ZBTB16: variants seen among roughly 807,000 people sequenced by gnomAD.
ZBTB16 encodes the protein zinc finger and BTB domain-containing protein 16.
In ZBTB16, 8 loss-of-function variants were observed where a neutral mutation model predicts 56.8. That is an observed-to-expected ratio of 0.14 (90% CI 0.08 to 0.25). ZBTB16 has a LOEUF of 0.25. Ranked by LOEUF, ZBTB16 falls within the 10% of genes least tolerant of loss-of-function variation. The pLI, the probability that ZBTB16 is intolerant of heterozygous loss-of-function variation, is 1.00. For synonymous variants in ZBTB16, 363 were observed against 368.5 expected, an observed-to-expected ratio of 0.98 and a Z score of 0.17; for missense variants, 625 against 903.0, an observed-to-expected ratio of 0.69 and a Z score of 3.95.
chr11:114,179,072 G>C (rs1943184892), intron 3 of ZBTB16, among the ~76,000 whole-genome samples: 1 of 152,140 alleles, frequency 6.6e-6, no homozygotes, highest in Admixed American at 6.6e-5. Flanking sequence ...CGAACTCTGA[G>C]GATCTTTCCC....
At chr11:114,087,132 A>C (rs1274603247) in intron 2 of ZBTB16, among the ~76,000 whole-genome samples, 2 of 152,146 alleles carry the variant, frequency 1.3e-5, no homozygotes, top group Non-Finnish European at 2.9e-5. Flanking sequence ...CATCATCTGC[A>C]AAATGCTGGT....
intron 2 of ZBTB16, among the ~76,000 whole-genome samples, chr11:114,154,815 T>C (rs904395532): frequency 3.3e-5 from 5 of 152,160 alleles, no homozygotes; most frequent in African/African-American, 1.2e-4. Context: ...AACAAAACAA[T>C]GTGATTGAGA....
chr11:114,095,255 T>TTTTTC (rs1940348974), intron 2 of ZBTB16, among the ~76,000 whole-genome samples: 1 of 83,668 alleles, frequency 1.2e-5, no homozygotes, highest in Non-Finnish European at 2.2e-5. Context: ...CTTTTTTTTT[T>TTTTTC]TTTTTTTTTT....
At chr11:114,186,908 A>G (rs567057) in intron 3 of ZBTB16, 44 bp from the exon 4 acceptor site, 92,426 of 1,594,040 alleles carry the variant, frequency 0.058, 2,964 homozygotes, top group Middle Eastern at 0.079. Context: ...CCCGCTCACC[A>G]GTGGACTATT....
chr11:114,168,337 C>T (rs1003373511), intron 3 of ZBTB16, among the ~76,000 whole-genome samples: 1 of 152,174 alleles, frequency 6.6e-6, no homozygotes, highest in African/African-American at 2.4e-5. Flanking sequence ...GTAGTGTGCT[C>T]TGTTGCATCC....
chr11:114,128,463 G>A (rs192571594), intron 2 of ZBTB16, among the ~76,000 whole-genome samples: 1 of 152,350 alleles, frequency 6.6e-6, no homozygotes, highest in African/African-American at 2.4e-5. Flanking sequence ...ACTTCTAGCT[G>A]TAGGATCTTA....
intron 4 of ZBTB16, among the ~76,000 whole-genome samples, chr11:114,205,997 T>C (rs1943862434): frequency 6.6e-6 from 1 of 152,182 alleles, no homozygotes; most frequent in African/African-American, 2.4e-5. Context: ...ACTGACCTCA[T>C]CTGGCTCCCT....
intron 4 of ZBTB16, among the ~76,000 whole-genome samples, chr11:114,196,743 A>G (rs953645631): frequency 6.6e-6 from 1 of 152,336 alleles, no homozygotes; most frequent in South Asian, 2.1e-4. Context: ...GAAGGAAATG[A>G]GCATGTAGGT....
At chr11:114,238,746 C>G (rs1944646200) in intron 4 of ZBTB16, among the ~76,000 whole-genome samples, 1 of 152,152 alleles carries the variant, frequency 6.6e-6, no homozygotes, top group Non-Finnish European at 1.5e-5. Flanking sequence ...TGACTCCCAT[C>G]ACCCTCCCAG....
chr11:114,192,223 G>A (rs367965561), intron 4 of ZBTB16, among the ~76,000 whole-genome samples: 6 of 152,316 alleles, frequency 3.9e-5, no homozygotes, highest in South Asian at 2.1e-4. Context: ...ACCTGGACTT[G>A]CTGTGTGACA....
At chr11:114,144,549 T>G (rs1942048139) in intron 2 of ZBTB16, among the ~76,000 whole-genome samples, 1 of 152,142 alleles carries the variant, frequency 6.6e-6, no homozygotes, top group Non-Finnish European at 1.5e-5. Flanking sequence ...AAAAGAAGTT[T>G]GGGGAGCCCT....
chr11:114,180,073 T>C (rs1210889068), intron 3 of ZBTB16, among the ~76,000 whole-genome samples: 1 of 152,198 alleles, frequency 6.6e-6, no homozygotes, highest in Non-Finnish European at 1.5e-5. Context: ...CACGGAGGCC[T>C]CAGTCCCGCC....
intron 2 of ZBTB16, among the ~76,000 whole-genome samples, chr11:114,091,957 C>A (rs1392382325): frequency 5.3e-5 from 8 of 152,220 alleles, no homozygotes; most frequent in African/African-American, 1.9e-4. Context: ...CTCACTGACA[C>A]CCTTAGACCA....
At chr11:114,062,914 T>C (rs924262452) in intron 1 of ZBTB16, among the ~76,000 whole-genome samples, 17 of 152,240 alleles carry the variant, frequency 1.1e-4, no homozygotes, top group African/African-American at 3.1e-4. Context: ...TGAGGACTTA[T>C]AGGACTTCAC....
At chr11:114,211,367 TG>T (rs1943995582) in intron 4 of ZBTB16, among the ~76,000 whole-genome samples, 1 of 152,216 alleles carries the variant, frequency 6.6e-6, no homozygotes, top group Admixed American at 6.5e-5. Flanking sequence ...ACTGTGGCCT[TG>T]GACAAATTAT....
At chr11:114,140,995 T>TGC (rs1234720822) in intron 2 of ZBTB16, among the ~76,000 whole-genome samples, 3 of 152,190 alleles carry the variant, frequency 2.0e-5, no homozygotes, top group African/African-American at 7.2e-5. Context: ...GCTCGATGAC[T>TGC]GCAGCACTGG....
At chr11:114,235,625 CCTTCCTTT>C (rs759812057) in intron 4 of ZBTB16, among the ~76,000 whole-genome samples, 11 of 68,412 alleles carry the variant, frequency 1.6e-4, no homozygotes, top group African/African-American at 5.7e-4. Flanking sequence ...TTTCCCTCTC[CCTTCCTTT>C]CTTTCTTTCT....
At chr11:114,239,197 T>C (rs1944653106) in intron 4 of ZBTB16, among the ~76,000 whole-genome samples, 1 of 152,146 alleles carries the variant, frequency 6.6e-6, no homozygotes, top group African/African-American at 2.4e-5. Flanking sequence ...AGAGCACCTG[T>C]GGGTCTGGCT....
intron 4 of ZBTB16, among the ~76,000 whole-genome samples, chr11:114,217,726 C>T (rs760737081): frequency 6.6e-6 from 1 of 152,026 alleles, no homozygotes; most frequent in Non-Finnish European, 1.5e-5. Context: ...GGACAGATGG[C>T]GGGGCATGAA....
Sources: allele counts gnomAD v4.1 joint callset (sites outside exome capture counted in the v4.1 genomes callset), GRCh38; gene constraint gnomAD v4.1.1; transcripts MANE v1.5; gene names NCBI Gene and HGNC (gene_info 2026-07-23, HGNC 2026-07-21).